Variants in ZNF324B observed in about 807,000 individuals in gnomAD.
ZNF324B encodes zinc finger protein 324B.
ZNF324B carries 7 observed loss-of-function variants against 10.6 expected under a neutral mutation model. The observed-to-expected ratio is 0.66, with a 90% CI of 0.38 to 1.24. ZNF324B has a LOEUF of 1.24. ZNF324B is among the 50% of genes most tolerant of loss of function. ZNF324B has a pLI of 0.02. For missense variants in ZNF324B, 640 were observed against 764.7 expected (o/e 0.84, Z 1.92); for synonymous variants, 316 against 321.0 (o/e 0.98, Z 0.17).
At chr19:58,433,315 G>A in the ZNF324B span, 3 of 1,602,284 alleles carry the variant, frequency 1.9e-6, no homozygotes, top group Admixed American at 5.1e-5. Flanking sequence ...ACTTCCATAA[G>A]GCTCCACTCA....
At chr19:58,436,757 C>T in the ZNF324B span, 1 of 513,058 alleles carries the variant, frequency 1.9e-6, no homozygotes, top group Admixed American at 2.8e-5. Context: ...GGTAACCCGA[C>T]CAGGGATTGG....
chr19:58,451,686 G>T lies in ZNF324B; in HGVS notation c.-25G>T, dbSNP rs1396015239. On this transcript the variant is annotated 5_prime_UTR_variant, in exon 1 of 4. Coordinates refer to ENST00000336614, the MANE Select transcript of ZNF324B (RefSeq NM_207395.3). ...GGCTGTGGCGCGCGGGTCGGGGCCC[G>T]AGGCGGGCGGCCAGGAAGGTACGGA... 2.0e-6 allele frequency: 1 copy of T among 500,960 alleles called. No individual in the cohort carries two copies. Among genetic ancestry groups the T allele is most frequent in the Non-Finnish European group, 4.0e-6 (1 of 252,548 alleles). The allele number at this position is 500,960 out of a possible 1,614,324, so 31.0% of individuals were successfully genotyped here.
At chr19:58,437,298 A>G in the ZNF324B span, 1 of 1,434,972 alleles carries the variant, frequency 7.0e-7, no homozygotes. Flanking sequence ...ATCTACCACT[A>G]ATATCTCTTT....
chr19:58,453,748 G>T lies in ZNF324B; in HGVS notation c.47G>T (p.Gly16Val). 6.2e-7 allele frequency: 1 copy of T among 1,614,170 alleles called. No individual in the cohort carries two copies. Reference protein sequence around the residue: ...VAVYFSQEEWGLLDTAQRALY... With the variant: ...VAVYFSQEEWVLLDTAQRALY... ...GTGTACTTCTCCCAGGAGGAGTGGG[G>T]GCTCCTGGACACAGCGCAGAGGGCC... Residue 16 changes from glycine (G) to valine (V), a missense_variant, in exon 2 of 4, where the codon GGG (glycine) becomes GTG (valine). Coordinates refer to ENST00000336614, the MANE Select transcript of ZNF324B (RefSeq NM_207395.3).
intron 3 of ZNF324B, 130 bp downstream of exon 3, chr19:58,454,474 G>A (rs1046510209): frequency 5.9e-6 from 4 of 673,350 alleles, no homozygotes; most frequent in African/African-American, 5.4e-5. Context: ...TCCATCATCA[G>A]CCTCTCCTGG....
chr19:58,453,757 A>G lies in ZNF324B; in HGVS notation c.56A>G (p.Asp19Gly). 1.9e-6 allele frequency: 3 copies of G among 1,614,184 alleles called. No individual in the cohort carries two copies. Among genetic ancestry groups the G allele is most frequent in the Non-Finnish European group, 1.7e-6 (2 of 1,180,008 alleles). The change falls in exon 2 of 4, where the codon GAC becomes GGC. Residue 19 changes from aspartate (D) to glycine (G), a missense_variant. Physicochemically the swap from Asp to Gly is moderately conservative, Grantham distance 94 (BLOSUM62 -1). This residue lies in a region of ZNF324B where 345 missense variants were observed against 387.9 expected (regional missense o/e 0.89). Coordinates refer to ENST00000336614, the MANE Select transcript of ZNF324B (RefSeq NM_207395.3). The part of the protein sequence containing the change: ...YFSQEEWGLL[D>G]TAQRALYRHV... The stretch of plus-strand genomic sequence containing the variant: ...TCCCAGGAGGAGTGGGGGCTCCTGG[A>G]CACAGCGCAGAGGGCCCTGTACCGC...
chr19:58,436,640 C>A, the ZNF324B span, among the ~76,000 whole-genome samples: 1 of 142,112 alleles, frequency 7.0e-6, no homozygotes, highest in African/African-American at 2.6e-5. Flanking sequence ...TGCACTCCAG[C>A]CTGGGGGACA....
Position 58,456,531 on chromosome 19 carries a change from G to T in ZNF324B, c.1587G>T (p.Val529=). The T allele has an allele frequency of 6.2e-7, 1 of 1,614,194 alleles. No individual in the cohort carries two copies. Among genetic ancestry groups the T allele is most frequent in the South Asian group, 1.1e-5 (1 of 91,082 alleles). Reference sequence around the variant, plus strand: ...TCCTTCAGGGACATCATCGGAAGGTGCGCCGGGGAGGGAAGCCAAGCCCAG... The same window carrying T: ...TCCTTCAGGGACATCATCGGAAGGTTCGCCGGGGAGGGAAGCCAAGCCCAG... ...PGFLQGHHRK[V]RRGGKPSPVL... Residue 529 remains valine, a synonymous_variant, in exon 4 of 4, where the codon GTG becomes GTT. Transcript: ENST00000336614. This position sits in a 1 kb window ranked among gnomAD's most constrained non-coding sequence, Gnocchi z 4.7.
the ZNF324B span, chr19:58,429,108 C>T: frequency 6.6e-6 from 1 of 152,260 alleles, no homozygotes; most frequent in Middle Eastern, 3.2e-3. Context: ...GGCAACAAGA[C>T]AAATTCAACC....
At chr19:58,445,729 T>G in the ZNF324B span, 1 of 321,052 alleles carries the variant, frequency 3.1e-6, no homozygotes, top group Non-Finnish European at 6.0e-6. Flanking sequence ...GCAGGAGAAT[T>G]GCTTGACCTC....
At chr19:58,424,737 C>T in the ZNF324B span, among the ~76,000 whole-genome samples, 1 of 151,864 alleles carries the variant, frequency 6.6e-6, no homozygotes. Flanking sequence ...CTACATTGGG[C>T]AGGAGGATCT....
chr19:58,423,491 G>T, the ZNF324B span, among the ~76,000 whole-genome samples: 3 of 152,126 alleles, frequency 2.0e-5, no homozygotes, highest in African/African-American at 7.2e-5. Flanking sequence ...TGACCATACT[G>T]CCCAAAGCAA....
At chr19:58,437,751 C>T in the ZNF324B span, 1 of 985,330 alleles carries the variant, frequency 1.0e-6, no homozygotes, top group East Asian at 1.1e-4. Context: ...GGGATCCATT[C>T]CTGGTCCAAG....
chr19:58,429,147 A>G, the ZNF324B span: 26,446 of 152,258 alleles, frequency 0.17, 2,538 homozygotes, highest in Non-Finnish European at 0.21. Flanking sequence ...CTTCCTGCCC[A>G]TGCGGCTGTT....
chr19:58,430,909 C>G, the ZNF324B span: 1 of 152,222 alleles, frequency 6.6e-6, no homozygotes, highest in African/African-American at 2.4e-5. Flanking sequence ...CTCAGCTCTT[C>G]TTCATGGCTT....
the ZNF324B span, chr19:58,435,514 G>C: frequency 4.0e-6 from 1 of 251,620 alleles, no homozygotes; most frequent in Non-Finnish European, 7.7e-6. Context: ...ATGAAAAGAA[G>C]TTCAGCATCC....
At position 58,455,565 on chromosome 19, in the gene ZNF324B, C is replaced by T. The variant is rs371225786; in HGVS notation, c.621C>T (p.Phe207=). Residue 207 remains phenylalanine, a synonymous_variant, in exon 4 of 4, where the codon TTC becomes TTT. Coordinates refer to ENST00000336614, the MANE Select transcript of ZNF324B (RefSeq NM_207395.3). This position sits in a 1 kb window ranked among gnomAD's most constrained non-coding sequence, Gnocchi z 7.0. The part of the protein sequence containing the change: ...PCAQEVPGRA[F]GNASDLKAAS... ...CACAGGAGGTCCCTGGGAGAGCCTTCGGGAATGCCTCGGACCTGAAGGCCG... is the reference window on the plus strand; with the variant it reads ...CACAGGAGGTCCCTGGGAGAGCCTTTGGGAATGCCTCGGACCTGAAGGCCG... 11 of 1,614,086 alleles carry T rather than the reference C, an allele frequency of 6.8e-6. No homozygotes were observed. The highest frequency in any genetic ancestry group is 2.2e-5 in the East Asian group (1 of 44,884).
chr19:58,439,729 G>C, the ZNF324B span: 2 of 1,493,946 alleles, frequency 1.3e-6, no homozygotes, highest in African/African-American at 2.9e-5. Context: ...GAATCCCAGC[G>C]GGTGAGGGCC....
the ZNF324B span, chr19:58,444,363 G>A: frequency 1.3e-5 from 2 of 152,164 alleles, no homozygotes; most frequent in Non-Finnish European, 2.9e-5. Context: ...ATCTGCACAT[G>A]GTGGCTCATA....
Sources: gnomAD v4.1 joint callset for allele counts (sites outside exome capture counted in the v4.1 genomes callset) on GRCh38, gnomAD v4.1.1 for gene constraint, gnomAD v4.1.1 regional missense constraint, Gnocchi (gnomAD v3.1) non-coding constraint, MANE v1.5 for transcripts, NCBI Gene and HGNC (gene_info 2026-07-23, HGNC 2026-07-21) for gene names.